Variants in AKAP12 observed in about 807,000 individuals in gnomAD.
AKAP12 encodes A-kinase anchor protein 12.
Under a neutral mutation model 79.9 loss-of-function variants are expected in AKAP12, and 32 were observed. The observed-to-expected ratio is 0.40, with a 90% CI of 0.30 to 0.54. AKAP12 has a LOEUF of 0.54. Ranked by LOEUF, AKAP12 falls within the 20% of genes least tolerant of loss-of-function variation. AKAP12 has a pLI of 0.48. For missense variants in AKAP12, 2,074 were observed against 2,177.0 expected, an observed-to-expected ratio of 0.95 and a Z score of 0.94; for synonymous variants, 808 against 857.0, an observed-to-expected ratio of 0.94 and a Z score of 1.00.
intron 3 of AKAP12, among the ~76,000 whole-genome samples, chr6:151,329,641 C>T (rs543987988): frequency 6.6e-6 from 1 of 152,164 alleles, no homozygotes; most frequent in Non-Finnish European, 1.5e-5. Context: ...ATACCTTGCA[C>T]ATGGGTGTTT....
intron 3 of AKAP12, among the ~76,000 whole-genome samples, chr6:151,318,479 TG>T (rs1164931248): frequency 2.6e-5 from 4 of 152,220 alleles, no homozygotes; most frequent in Admixed American, 2.6e-4. Context: ...TCTTGATAGA[TG>T]TCTGGCCATT....
At chr6:151,300,002 A>G (rs1049448444) in intron 2 of AKAP12, among the ~76,000 whole-genome samples, 3 of 152,146 alleles carry the variant, frequency 2.0e-5, no homozygotes, top group African/African-American at 7.2e-5. Context: ...TGGTGTAGCT[A>G]ATGGGTTTGC....
rs377593796 is a variant in AKAP12, at chr6:151,297,430, G to A, written c.163-8317G>A. On this transcript the variant is annotated intron_variant, in intron 2 of 4. Coordinates refer to ENST00000402676, the MANE Select transcript of AKAP12 (RefSeq NM_005100.4). The stretch of plus-strand genomic sequence containing the variant: ...TCTACTAAAAATACAAAAATTAGCC[G>A]GGTGTGGTGGTGCGCACCTGTAATC... Among the ~76,000 whole-genome samples the A allele has an allele frequency of 1.7e-3, 259 of 151,922 alleles. No individual in the cohort carries two copies. In the Middle Eastern group the frequency reaches 0.027, roughly 16 times the overall value.
chr6:151,352,485 C>A lies in AKAP12; in HGVS notation c.4094C>A (p.Thr1365Asn), dbSNP rs1582904132. ...EEKLEHETAV[T>N]VSEEVSKQLL... ...AAGCTTGAGCACGAAACAGCTGTTA[C>A]CGTATCTGAAGAGGTCAGTAAGCAG... Residue 1365 changes from threonine (T) to asparagine (N), a missense_variant, in exon 4 of 5, where the codon ACC becomes AAC. Coordinates refer to ENST00000402676, the MANE Select transcript of AKAP12 (RefSeq NM_005100.4). 4 of 1,614,018 alleles carry A rather than the reference C, an allele frequency of 2.5e-6. No homozygotes were observed. The highest frequency in any genetic ancestry group is 3.4e-6 in the Non-Finnish European group (4 of 1,180,040).
chr6:151,322,058 C>T lies in AKAP12; in HGVS notation c.319+16155C>T, dbSNP rs145597344. 9.2e-3 allele frequency among the ~76,000 whole-genome samples: 1,398 copies of T among 151,890 alleles called. 21 individuals are homozygous for T. Among genetic ancestry groups the T allele is most frequent in the African/African-American group, 0.032 (1,336 of 41,410 alleles). ...CTGAGTAGCTGGGATTACAGGCGCC[C>T]GCCACCACGCCCGGCTAATTTTTGT... is the stretch of plus-strand genomic sequence containing the variant. On this transcript the variant is annotated intron_variant, in intron 3 of 4. Transcript: ENST00000402676.
chr6:151,250,324 T>G (rs1797149466), intron 2 of AKAP12, among the ~76,000 whole-genome samples: 1 of 148,440 alleles, frequency 6.7e-6, no homozygotes, highest in Non-Finnish European at 1.5e-5. Context: ...ATGGTGAAAC[T>G]CCGCTTTACT....
At position 151,271,325 on chromosome 6, in the gene AKAP12, C is replaced by CTT. The variant is rs113260783; in HGVS notation, c.162+30616_162+30617dup. ...CAGTGCCATTATCACAACGAAGAAACTTTTTTTTTTTTTTTTGAGAGGTTC... is the reference window on the plus strand; with the variant it reads ...CAGTGCCATTATCACAACGAAGAAACTTTTTTTTTTTTTTTTTTGAGAGGTTC... On this transcript the variant is annotated intron_variant, in intron 2 of 4. Transcript: ENST00000402676. 1.5e-3 allele frequency among the ~76,000 whole-genome samples: 213 copies of CTT among 140,974 alleles called. 1 individual carries two copies. The highest frequency in any genetic ancestry group is 1.2e-3 in the Non-Finnish European group (77 of 65,200). 92.5% of individuals were successfully genotyped at this position (140,974 alleles called of 152,430 possible).
At chr6:151,332,791 C>T (rs1477137102) in intron 3 of AKAP12, among the ~76,000 whole-genome samples, 2 of 152,160 alleles carry the variant, frequency 1.3e-5, no homozygotes, top group Non-Finnish European at 2.9e-5. Context: ...GACACACCGA[C>T]CACTCCCTTT....
intron 2 of AKAP12, among the ~76,000 whole-genome samples, chr6:151,241,143 T>C (rs1796967396): frequency 6.6e-6 from 1 of 152,112 alleles, no homozygotes; most frequent in Non-Finnish European, 1.5e-5. Flanking sequence ...AAGTCAGCTG[T>C]GAGGCCAGGA....
In AKAP12 at chr6:151,358,240, T is replaced by A. The variant is rs919659958; in HGVS notation, c.*2526T>A. 1.3e-5 allele frequency: 2 copies of A among 152,236 alleles called. No homozygotes were observed. Among genetic ancestry groups the A allele is most frequent in the African/African-American group, 4.8e-5 (2 of 41,480 alleles). 9.4% of individuals were successfully genotyped at this position (152,236 alleles called of 1,614,324 possible). On this transcript the variant is annotated 3_prime_UTR_variant, in exon 5 of 5. Coordinates refer to ENST00000402676, the MANE Select transcript of AKAP12 (RefSeq NM_005100.4). The stretch of plus-strand genomic sequence containing the variant: ...TATTTTTGGCATTACTACAGAGCCA[T>A]GTACAATAGAAAGCAATGCAAGACT...
intron 2 of AKAP12, among the ~76,000 whole-genome samples, chr6:151,241,806 G>A (rs1055241016): frequency 2.1e-5 from 3 of 141,050 alleles, no homozygotes; most frequent in Non-Finnish European, 4.6e-5. Context: ...ATCGCAGGAG[G>A]TGTAGATGTT....
intron 2 of AKAP12, among the ~76,000 whole-genome samples, chr6:151,294,823 TTG>T (rs1470283565): frequency 1.3e-5 from 2 of 152,224 alleles, no homozygotes; most frequent in African/African-American, 4.8e-5. Flanking sequence ...GACTGAAGTG[TTG>T]TGTGTTAAAA....
intron 3 of AKAP12, among the ~76,000 whole-genome samples, chr6:151,342,950 A>G (rs200793349): frequency 2.0e-5 from 3 of 152,050 alleles, no homozygotes; most frequent in East Asian, 3.9e-4. Context: ...TTTAGTAGAG[A>G]TGGGGTTTCA....
At chr6:151,241,188 C>T (rs1281841218) in intron 2 of AKAP12, among the ~76,000 whole-genome samples, 1 of 152,226 alleles carries the variant, frequency 6.6e-6, no homozygotes, top group East Asian at 1.9e-4. Flanking sequence ...CCCAGCCACC[C>T]TCGGGTTCCC....
At chr6:151,289,196 T>C (rs1483510720) in intron 2 of AKAP12, among the ~76,000 whole-genome samples, 1 of 152,212 alleles carries the variant, frequency 6.6e-6, no homozygotes, top group Non-Finnish European at 1.5e-5. Flanking sequence ...TCACAGTCAC[T>C]GCCCTTCTCC....
At chr6:151,312,588 C>A (rs1021214154) in intron 3 of AKAP12, among the ~76,000 whole-genome samples, 2 of 151,992 alleles carry the variant, frequency 1.3e-5, no homozygotes, top group South Asian at 2.1e-4. Context: ...TCAGGAGATC[C>A]AGACCATCCA....
chr6:151,273,302 A>G (rs886706907), intron 2 of AKAP12, among the ~76,000 whole-genome samples: 1 of 152,240 alleles, frequency 6.6e-6, no homozygotes, highest in Admixed American at 6.5e-5. Flanking sequence ...ACCAGCAATC[A>G]CAGACAATGC....
intron 2 of AKAP12, among the ~76,000 whole-genome samples, chr6:151,258,140 A>G (rs1479533355): frequency 6.6e-6 from 1 of 152,184 alleles, no homozygotes; most frequent in Non-Finnish European, 1.5e-5. Context: ...GCTGTAGATT[A>G]TTGTGTCCTC....
At chr6:151,253,158 A>G (rs1021849290) in intron 2 of AKAP12, among the ~76,000 whole-genome samples, 1 of 152,204 alleles carries the variant, frequency 6.6e-6, no homozygotes, top group African/African-American at 2.4e-5. Context: ...TAGTGAAGAC[A>G]TGCTTCATTG....
Sources: allele counts gnomAD v4.1 joint callset (sites outside exome capture counted in the v4.1 genomes callset), GRCh38; gene constraint gnomAD v4.1.1; transcripts MANE v1.5; gene names NCBI Gene and HGNC (gene_info 2026-07-23, HGNC 2026-07-21).